The following AMOTL1 variants were observed in gnomAD, a reference collection of about 807,000 sequenced individuals.
The protein encoded by AMOTL1 is angiomotin-like protein 1.
AMOTL1 carries 45 observed loss-of-function variants against 102.9 expected under a neutral mutation model. The ratio of observed to expected loss-of-function variants is 0.44; its 90% CI spans 0.34 to 0.56. The LOEUF (loss-of-function observed/expected upper bound fraction) is 0.56. Among genes scored for constraint, AMOTL1 ranks in the 20% least tolerant of loss-of-function variants. The pLI is 0.01. For synonymous variants in AMOTL1, 481 were observed against 484.7 expected (o/e 0.99, Z 0.10); for missense variants, 1,114 against 1,225.6 (o/e 0.91, Z 1.36).
At chr11:94,726,435 T>C (rs975814176) in intron 1 of AMOTL1, among the ~76,000 whole-genome samples, 4 of 152,172 alleles carry the variant, frequency 2.6e-5, no homozygotes, top group Non-Finnish European at 5.9e-5. Context: ...TAGACCCCAA[T>C]GTCCATCTAT....
chr11:94,707,250 C>CTCTCTCTCTCTGTG (rs1338023479), intron 1 of AMOTL1, among the ~76,000 whole-genome samples: 37 of 71,788 alleles, frequency 5.2e-4, no homozygotes, highest in African/African-American at 1.4e-3. Context: ...CTCTCTCTCT[C>CTCTCTCTCTCTGTG]TGTGTGTGTG....
intron 1 of AMOTL1, among the ~76,000 whole-genome samples, chr11:94,792,561 C>G (rs1951303357): frequency 1.3e-5 from 2 of 152,200 alleles, no homozygotes; most frequent in East Asian, 1.9e-4. Flanking sequence ...GTGGATGGTA[C>G]CTGGGCATGT....
At chr11:94,761,994 G>T (rs1239653073) in intron 3 of AMOTL1, among the ~76,000 whole-genome samples, 2 of 152,158 alleles carry the variant, frequency 1.3e-5, no homozygotes, top group Admixed American at 6.5e-5. Flanking sequence ...TCTTTAGGGT[G>T]AACATTCTGA....
intron 1 of AMOTL1, among the ~76,000 whole-genome samples, chr11:94,709,987 C>T (rs1949996737): frequency 2.0e-5 from 3 of 152,164 alleles, no homozygotes; most frequent in Admixed American, 2.0e-4. Flanking sequence ...GAAAGAGACT[C>T]ATTTACTAAC....
chr11:94,767,553 G>A (rs548630828), upstream of AMOTL1, among the ~76,000 whole-genome samples: 23 of 152,286 alleles, frequency 1.5e-4, no homozygotes, highest in South Asian at 2.1e-3. Context: ...CAGTTACCTA[G>A]CTTTCTCTTC....
At chr11:94,862,282 A>G (rs570643150) in intron 9 of AMOTL1, among the ~76,000 whole-genome samples, 18 of 152,316 alleles carry the variant, frequency 1.2e-4, no homozygotes, top group African/African-American at 3.8e-4. Context: ...TCATTTCAGA[A>G]TTGCTTTTTT....
intron 2 of AMOTL1, among the ~76,000 whole-genome samples, chr11:94,736,400 T>C (rs565925848): frequency 1.2e-4 from 19 of 152,268 alleles, no homozygotes; most frequent in Non-Finnish European, 2.4e-4. Flanking sequence ...TACAGGCACC[T>C]GCCTCCACAC....
intron 1 of AMOTL1, among the ~76,000 whole-genome samples, chr11:94,724,241 G>C (rs1289078449): frequency 6.6e-6 from 1 of 152,134 alleles, no homozygotes; most frequent in African/African-American, 2.4e-5. Flanking sequence ...TGAAGAAGGA[G>C]GTCTACATCT....
In AMOTL1 at chr11:94,864,874, A is replaced by G. The variant is rs1478440456; in HGVS notation, c.2261+14A>G. 2 of 1,610,518 alleles carry G rather than the reference A, an allele frequency of 1.2e-6. No homozygotes were observed. Among genetic ancestry groups the G allele is most frequent in the Non-Finnish European group, 1.7e-6 (2 of 1,177,872 alleles). On this transcript the variant is annotated intron_variant, in intron 10 of 12. Transcript: ENST00000433060. ...CATGGAATACACGTAAGGGACGACT[A>G]TGTGTGACGTGTGGGGCCCGCTGCA...
intron 2 of AMOTL1, among the ~76,000 whole-genome samples, chr11:94,732,163 A>G (rs1384487962): frequency 6.6e-6 from 1 of 152,134 alleles, no homozygotes; most frequent in East Asian, 1.9e-4. Flanking sequence ...TTGCATTTCT[A>G]GTGGAGTACC....
In AMOTL1 at chr11:94,808,250, C is replaced by G. The variant is rs151273987; in HGVS notation, c.1121+7939C>G. Among the ~76,000 whole-genome samples, 13 of 151,604 alleles carry G rather than the reference C, an allele frequency of 8.6e-5. No homozygotes were observed. In the East Asian group the frequency reaches 2.5e-3, roughly 29 times the overall value. ...TCCTCTGCCCTACTGTTTCACTAAG[C>G]AAGACTAAGGCATAAGCGACTATTC... On this transcript the variant is annotated intron_variant, in intron 3 of 12. Transcript: ENST00000433060.
At chr11:94,727,375 A>G (rs79668391) in intron 1 of AMOTL1, among the ~76,000 whole-genome samples, 141 of 152,248 alleles carry the variant, frequency 9.3e-4, no homozygotes, top group African/African-American at 3.3e-3. Flanking sequence ...ATGGCCCAAT[A>G]TTGGATTTCT....
chr11:94,769,476 C>T (rs750976391), intron 1 of AMOTL1, among the ~76,000 whole-genome samples: 1 of 152,206 alleles, frequency 6.6e-6, no homozygotes, highest in Non-Finnish European at 1.5e-5. Flanking sequence ...AAGTTTCCCC[C>T]CTCAGAGCCC....
chr11:94,869,426 G>T lies in AMOTL1; in HGVS notation c.2717G>T (p.Ser906Ile). The change falls in exon 12 of 13, where the codon AGC (serine) becomes ATC (isoleucine). Residue 906 changes from serine (S) to isoleucine (I), a missense_variant. Coordinates refer to ENST00000433060, the MANE Select transcript of AMOTL1 (RefSeq NM_130847.3). ...CGGCTGAGCACGACCCCTGCTCACA[G>T]CCCCGTCCTGAAACACCCAGCGGCC... ...RGRLSTTPAH[S>I]PVLKHPAAKG... The T allele has an allele frequency of 6.2e-7, 1 of 1,604,262 alleles. No homozygotes were observed. Among genetic ancestry groups the T allele is most frequent in the Non-Finnish European group, 8.5e-7 (1 of 1,175,770 alleles).
intron 6 of AMOTL1, among the ~76,000 whole-genome samples, chr11:94,845,096 C>A (rs955402623): frequency 1.3e-5 from 2 of 152,196 alleles, no homozygotes; most frequent in African/African-American, 4.8e-5. Context: ...CACACATCCA[C>A]CCTCAATGTT....
intron 1 of AMOTL1, among the ~76,000 whole-genome samples, chr11:94,723,485 A>G (rs574647722): frequency 6.6e-5 from 10 of 152,158 alleles, no homozygotes; most frequent in Non-Finnish European, 1.2e-4. Context: ...AACTCCTTAG[A>G]GAGAAGATAG....
chr11:94,764,882 G>A (rs1424481717), upstream of AMOTL1, among the ~76,000 whole-genome samples: 1 of 152,178 alleles, frequency 6.6e-6, no homozygotes, highest in Non-Finnish European at 1.5e-5. Context: ...CTTGCAATAA[G>A]TTTATGAGGC....
intron 2 of AMOTL1, among the ~76,000 whole-genome samples, chr11:94,738,400 G>C (rs1211854160): frequency 2.6e-5 from 4 of 152,058 alleles, no homozygotes; most frequent in African/African-American, 9.7e-5. Flanking sequence ...TGGGATTACA[G>C]ACATGTGCCA....
intron 3 of AMOTL1, among the ~76,000 whole-genome samples, chr11:94,812,318 A>G (rs1324241117): frequency 2.0e-5 from 3 of 152,218 alleles, no homozygotes; most frequent in Non-Finnish European, 4.4e-5. Context: ...GGTTTGGTCC[A>G]GAAGGGCAGG....
Sources: allele counts gnomAD v4.1 joint callset (sites outside exome capture counted in the v4.1 genomes callset), GRCh38; gene constraint gnomAD v4.1.1; transcripts MANE v1.5; gene names NCBI Gene and HGNC (gene_info 2026-07-23, HGNC 2026-07-21).